The following GRID1 variants were observed in gnomAD, a reference collection of about 807,000 sequenced individuals.
GRID1 encodes the protein glutamate ionotropic receptor delta type subunit 1.
GRID1 carries 28 observed loss-of-function variants against 98.0 expected under a neutral mutation model. The ratio of observed to expected loss-of-function variants is 0.29; its 90% CI spans 0.21 to 0.39. The LOEUF (loss-of-function observed/expected upper bound fraction) is 0.39. GRID1 is among the 10% of genes least tolerant of loss of function. GRID1 has a pLI of 1.00. For missense variants in GRID1, 1,111 were observed against 1,340.5 expected (o/e 0.83, Z 2.67); for synonymous variants, 553 against 538.5 (o/e 1.03, Z -0.37).
intron 3 of GRID1, among the ~76,000 whole-genome samples, chr10:86,147,696 A>G (rs540958502): frequency 1.3e-5 from 2 of 152,308 alleles, no homozygotes; most frequent in African/African-American, 2.4e-5. Flanking sequence ...ATGCTTTGAC[A>G]TCTGGGGCCT....
chr10:85,666,867 G>C (rs1026126812), intron 12 of GRID1, among the ~76,000 whole-genome samples: 1 of 152,068 alleles, frequency 6.6e-6, no homozygotes, highest in African/African-American at 2.4e-5. Flanking sequence ...CCCAGGTCTC[G>C]CACTAACACC....
intron 8 of GRID1, among the ~76,000 whole-genome samples, chr10:85,773,001 C>G (rs979408186): frequency 1.3e-5 from 2 of 152,154 alleles, no homozygotes; most frequent in African/African-American, 4.8e-5. Flanking sequence ...GATACCAAAG[C>G]CGGGCAGAGA....
intron 4 of GRID1, among the ~76,000 whole-genome samples, chr10:86,125,074 A>G (rs951288116): frequency 3.9e-5 from 6 of 152,224 alleles, no homozygotes; most frequent in Admixed American, 2.6e-4. Flanking sequence ...CCACAGCCCA[A>G]TGCAGTAATG....
intron 13 of GRID1, among the ~76,000 whole-genome samples, chr10:85,635,205 C>T (rs1022541325): frequency 6.6e-6 from 1 of 152,004 alleles, no homozygotes; most frequent in Admixed American, 6.6e-5. Flanking sequence ...ATTTGCTTGG[C>T]AATGCTCAAA....
chr10:85,980,223 A>G (rs1285787162), intron 4 of GRID1, among the ~76,000 whole-genome samples: 1 of 152,182 alleles, frequency 6.6e-6, no homozygotes, highest in African/African-American at 2.4e-5. Context: ...CCCCATGCCC[A>G]TCTCCTGTGC....
At chr10:86,116,649 T>C (rs1418848118) in intron 4 of GRID1, among the ~76,000 whole-genome samples, 1 of 152,036 alleles carries the variant, frequency 6.6e-6, no homozygotes, top group Non-Finnish European at 1.5e-5. Flanking sequence ...AAAGGCAACA[T>C]GCAAAAAATG....
chr10:85,717,810 G>C (rs995000940), intron 12 of GRID1, among the ~76,000 whole-genome samples: 1 of 152,176 alleles, frequency 6.6e-6, no homozygotes, highest in Non-Finnish European at 1.5e-5. Flanking sequence ...TTACTTCCTA[G>C]ATACAATGGA....
At chr10:85,857,683 G>A (rs1843126067) in intron 6 of GRID1, among the ~76,000 whole-genome samples, 1 of 152,192 alleles carries the variant, frequency 6.6e-6, no homozygotes, top group South Asian at 2.1e-4. Context: ...CGCCTAAGCA[G>A]CAAGTCGTCT....
intron 12 of GRID1, among the ~76,000 whole-genome samples, chr10:85,678,364 G>A (rs997919584): frequency 1.8e-4 from 27 of 152,104 alleles, no homozygotes; most frequent in African/African-American, 4.6e-4. Context: ...CTCCTCCACC[G>A]GCCTCTTTCA....
intron 4 of GRID1, among the ~76,000 whole-genome samples, chr10:85,929,266 GAATCTTGA>G (rs1841817367): frequency 6.6e-6 from 1 of 152,174 alleles, no homozygotes; most frequent in African/African-American, 2.4e-5. Context: ...AGATCCCCTT[GAATCTTGA>G]GATAGTGACT....
intron 2 of GRID1, among the ~76,000 whole-genome samples, chr10:86,260,781 C>T (rs1218663377): frequency 6.6e-6 from 1 of 152,248 alleles, no homozygotes; most frequent in Non-Finnish European, 1.5e-5. Flanking sequence ...TCCCCAGAGA[C>T]ACCCCTTCAT....
chr10:85,870,564 T>C (rs979884325), intron 5 of GRID1, among the ~76,000 whole-genome samples: 1 of 152,204 alleles, frequency 6.6e-6, no homozygotes, highest in South Asian at 2.1e-4. Flanking sequence ...GGCTAACAAG[T>C]TCTGGAGGAG....
chr10:86,072,196 C>A (rs1843814169), intron 4 of GRID1, among the ~76,000 whole-genome samples: 1 of 152,100 alleles, frequency 6.6e-6, no homozygotes, highest in Admixed American at 6.6e-5. Flanking sequence ...TTCAGACGTT[C>A]AAGTTTAAGG....
In GRID1 at chr10:86,195,136, C is replaced by T. The variant is rs1258447572; in HGVS notation, c.520+11228G>A. Among the ~76,000 whole-genome samples the T allele has an allele frequency of 6.6e-6, 1 of 152,108 alleles. No homozygotes were observed. Among genetic ancestry groups the T allele is most frequent in the African/African-American group, 2.4e-5 (1 of 41,430 alleles). ...GAGGCAAGTCCTATCCCTACCCTTC[C>T]AGGAATGGTAAGTTCCAGCTTGGGA... On this transcript the variant is annotated intron_variant, in intron 3 of 15. Coordinates refer to ENST00000327946, the MANE Select transcript of GRID1 (RefSeq NM_017551.3). This position sits in a 1 kb window ranked among gnomAD's most constrained non-coding sequence, Gnocchi z 4.4.
chr10:86,080,426 G>A (rs1194231925), intron 4 of GRID1, among the ~76,000 whole-genome samples: 2 of 18,336 alleles, frequency 1.1e-4, no homozygotes, highest in East Asian at 1.4e-3. Flanking sequence ...GGGGAGGGGA[G>A]GGGAGGGGAG....
At chr10:86,031,234 A>T (rs1843181294) in intron 4 of GRID1, among the ~76,000 whole-genome samples, 1 of 152,202 alleles carries the variant, frequency 6.6e-6, no homozygotes, top group Admixed American at 6.5e-5. Context: ...AGCCATACAA[A>T]AGCACAAAAT....
At chr10:85,735,975 G>C (rs529836896) in intron 8 of GRID1, among the ~76,000 whole-genome samples, 173 of 139,926 alleles carry the variant, frequency 1.2e-3, no homozygotes, top group African/African-American at 4.3e-3. Flanking sequence ...AGAAGGGAGA[G>C]AGGGAGAAAG....
chr10:86,007,088 T>C (rs1259008224), intron 4 of GRID1, among the ~76,000 whole-genome samples: 3 of 152,228 alleles, frequency 2.0e-5, no homozygotes, highest in Non-Finnish European at 2.9e-5. Context: ...GCAGTCCCCT[T>C]GGTGGACTTT....
intron 8 of GRID1, among the ~76,000 whole-genome samples, chr10:85,755,961 C>G (rs1248413921): frequency 6.6e-6 from 1 of 152,068 alleles, no homozygotes; most frequent in Non-Finnish European, 1.5e-5. Context: ...AGCTCAGGAA[C>G]CTTCTCTCAC....
Sources: gnomAD v4.1 joint callset for allele counts (sites outside exome capture counted in the v4.1 genomes callset) on GRCh38, gnomAD v4.1.1 for gene constraint, Gnocchi (gnomAD v3.1) non-coding constraint, MANE v1.5 for transcripts, NCBI Gene and HGNC (gene_info 2026-07-23, HGNC 2026-07-21) for gene names.